Variants in CEPT1 observed in about 807,000 individuals in gnomAD.
CEPT1 encodes the protein choline/ethanolaminephosphotransferase 1.
A neutral mutation model predicts 42.6 loss-of-function variants in CEPT1; 7 were observed. That is an observed-to-expected ratio of 0.16 (90% confidence interval 0.09 to 0.31). The LOEUF (loss-of-function observed/expected upper bound fraction) is 0.31, where lower values mean the gene tolerates loss of function less well. CEPT1 is among the 10% of genes least tolerant of loss of function. CEPT1 has a pLI of 1.00. For missense variants in CEPT1, 306 were observed against 502.1 expected (o/e 0.61, Z 3.73); for synonymous variants, 171 against 171.9 (o/e 0.99, Z 0.04).
At chr1:111,161,449 G>A (rs968462081) in intron 4 of CEPT1, among the ~76,000 whole-genome samples, 153 bp downstream of exon 4, 1 of 151,888 alleles carries the variant, frequency 6.6e-6, no homozygotes, top group African/African-American at 2.4e-5. Flanking sequence ...TTTCCTAATA[G>A]TCTCTGCATA....
Position 111,149,266 on chromosome 1 carries a change from C to CTTTTTTTTTTTTTTTTTTTTTTT in CEPT1, c.339+1227_339+1228insTTTTTTTTTTTTTTTTTTTTTTT, listed in dbSNP as rs775722606. ...ATAGATGTAAAATCTGGTTTCTCCT[C>CTTTTTTTTTTTTTTTTTTTTTTT]TTTTTTTTTTTTTTGAGACAGGGTC... is the stretch of plus-strand genomic sequence containing the variant. On this transcript the variant is annotated intron_variant, in intron 2 of 8. Coordinates refer to ENST00000357172, the MANE Select transcript of CEPT1 (RefSeq NM_006090.5). 2.4e-4 allele frequency among the ~76,000 whole-genome samples: 31 copies of CTTTTTTTTTTTTTTTTTTTTTTT among 127,910 alleles called. 1 individual carries two copies. Among genetic ancestry groups the CTTTTTTTTTTTTTTTTTTTTTTT allele is most frequent in the Non-Finnish European group, 3.5e-4 (22 of 62,372 alleles). The allele number at this position is 127,910 out of a possible 152,430, so 83.9% of individuals were successfully genotyped here.
intron 2 of CEPT1, among the ~76,000 whole-genome samples, chr1:111,157,789 T>G (rs1655648604): frequency 6.6e-6 from 1 of 152,244 alleles, no homozygotes; most frequent in Non-Finnish European, 1.5e-5. Flanking sequence ...GATCCTTACC[T>G]TTTAATAACT....
intron 2 of CEPT1, among the ~76,000 whole-genome samples, chr1:111,152,421 C>A (rs1197412920): frequency 6.6e-6 from 1 of 152,050 alleles, no homozygotes; most frequent in Non-Finnish European, 1.5e-5. Flanking sequence ...TCCTTCCTAC[C>A]CCTCACCCTA....
intron 2 of CEPT1, among the ~76,000 whole-genome samples, chr1:111,157,754 G>A (rs1235125502): frequency 6.6e-6 from 1 of 152,010 alleles, no homozygotes; most frequent in African/African-American, 2.4e-5. Flanking sequence ...CTTAAAAGAC[G>A]GAACTCAAAA....
chr1:111,155,809 A>G (rs1655535516), intron 2 of CEPT1, among the ~76,000 whole-genome samples: 1 of 152,162 alleles, frequency 6.6e-6, no homozygotes, highest in South Asian at 2.1e-4. Context: ...AAGTACTGGG[A>G]TTACAGGCGT....
intron 5 of CEPT1, among the ~76,000 whole-genome samples, chr1:111,177,825 G>A (rs911017481): frequency 5.5e-4 from 81 of 147,440 alleles, no homozygotes; most frequent in African/African-American, 2.0e-3. Flanking sequence ...ATGAGGTGAG[G>A]TTGCAACGGG....
chr1:111,168,399 G>A (rs975454084), intron 4 of CEPT1, among the ~76,000 whole-genome samples: 4 of 150,200 alleles, frequency 2.7e-5, no homozygotes, highest in African/African-American at 7.4e-5. Flanking sequence ...ACATTAGGTC[G>A]CCTGCCCTGA....
At chr1:111,172,304 GTTTC>G (rs968569210) in intron 4 of CEPT1, among the ~76,000 whole-genome samples, 2 of 151,806 alleles carry the variant, frequency 1.3e-5, no homozygotes, top group Admixed American at 6.6e-5. Context: ...GTAGTGGTCA[GTTTC>G]TTTGTTTTGG....
At chr1:111,151,129 T>C (rs28735146) in intron 2 of CEPT1, among the ~76,000 whole-genome samples, 1 of 88,116 alleles carries the variant, frequency 1.1e-5, no homozygotes, top group Non-Finnish European at 2.6e-5. Context: ...TTTTTGTTTG[T>C]TTTTTTTTTT....
chr1:111,143,971 C>A (rs1034909277), intron 1 of CEPT1, among the ~76,000 whole-genome samples: 4 of 152,150 alleles, frequency 2.6e-5, no homozygotes, highest in Non-Finnish European at 5.9e-5. Context: ...CTCAGGTGAT[C>A]CACCTGCCTC....
intron 6 of CEPT1, 90 bp downstream of exon 6, chr1:111,182,408 TTTG>T (rs1214464724): frequency 1.0e-5 from 14 of 1,344,510 alleles, no homozygotes; most frequent in Non-Finnish European, 1.1e-5. Context: ...TATAAAATCA[TTTG>T]TTAATTTATA....
chr1:111,167,516 A>C (rs554835377), intron 4 of CEPT1: 1 of 883,562 alleles, frequency 1.1e-6, no homozygotes, highest in Non-Finnish European at 1.4e-6. Flanking sequence ...AATTTTTTTT[A>C]TATTTCTATT....
intron 2 of CEPT1, among the ~76,000 whole-genome samples, chr1:111,157,791 T>C (rs1655648729): frequency 6.6e-6 from 1 of 152,220 alleles, no homozygotes; most frequent in African/African-American, 2.4e-5. Flanking sequence ...TCCTTACCTT[T>C]TAATAACTGG....
Position 111,184,398 on chromosome 1 carries a change from T to C in CEPT1, c.*88T>C. ...GAATGGGGGTGGATAAGAACAAATA[T>C]AATTTATAATAATCAATGTTGTATA... On this transcript the variant is annotated 3_prime_UTR_variant, in exon 9 of 9. Transcript: ENST00000357172. The C allele has an allele frequency of 1.0e-6, 1 of 957,742 alleles. No individual in the cohort carries two copies. The highest frequency in any genetic ancestry group is 1.5e-6 in the Non-Finnish European group (1 of 651,280). 59.3% of individuals were successfully genotyped at this position (957,742 alleles called of 1,614,324 possible).
At chr1:111,145,625 G>A (rs898939717) in intron 1 of CEPT1, among the ~76,000 whole-genome samples, 2 of 152,196 alleles carry the variant, frequency 1.3e-5, no homozygotes, top group African/African-American at 4.8e-5. Flanking sequence ...CTCATGAGCT[G>A]AGTGCCTACA....
In CEPT1 at chr1:111,147,899, C is replaced by G; in HGVS notation, c.185C>G (p.Ser62Cys). ...EEHRYQSAGR[S>C]LLEPLMQGYW... ...CACAGATATCAAAGTGCTGGACGGT[C>G]CCTGCTTGAGCCCTTAATGCAAGGG... is the stretch of plus-strand genomic sequence containing the variant. The change falls in exon 2 of 9, where the codon TCC becomes TGC. Residue 62 changes from serine to cysteine, a missense_variant. By Grantham distance (112) the Ser-to-Cys change is moderately radical. Coordinates refer to ENST00000357172, the MANE Select transcript of CEPT1 (RefSeq NM_006090.5). The G allele has an allele frequency of 5.0e-6, 8 of 1,614,174 alleles. No homozygotes were observed. The highest frequency in any genetic ancestry group is 6.8e-6 in the Non-Finnish European group (8 of 1,180,022).
intron 4 of CEPT1, among the ~76,000 whole-genome samples, chr1:111,170,379 G>T (rs916690260): frequency 1.3e-5 from 2 of 152,090 alleles, no homozygotes; most frequent in Non-Finnish European, 2.9e-5. Context: ...TCATTCATGT[G>T]GTAGGTAATG....
intron 4 of CEPT1, among the ~76,000 whole-genome samples, 169 bp from the exon 5 acceptor site, chr1:111,174,710 T>C (rs1445758760): frequency 6.6e-6 from 1 of 152,144 alleles, no homozygotes; most frequent in African/African-American, 2.4e-5. Flanking sequence ...TTGGATTTTA[T>C]ATGATTTTGC....
In CEPT1 at chr1:111,171,286, G is replaced by A. The variant is rs112971875; in HGVS notation, c.630-3593G>A. Among the ~76,000 whole-genome samples the A allele has an allele frequency of 6.1e-3, 922 of 152,264 alleles. 10 individuals carry two copies. The highest frequency in any genetic ancestry group is 0.021 in the African/African-American group (865 of 41,536). On this transcript the variant is annotated intron_variant, in intron 4 of 8. Coordinates refer to ENST00000357172, the MANE Select transcript of CEPT1 (RefSeq NM_006090.5). ...TCTACCCCATTTTAAAAGCTATTTT[G>A]CACTTCTGATGTAATAACTGCCTTG...
Sources: gnomAD v4.1 joint callset for allele counts (sites outside exome capture counted in the v4.1 genomes callset) on GRCh38, gnomAD v4.1.1 for gene constraint, MANE v1.5 for transcripts, NCBI Gene and HGNC (gene_info 2026-07-23, HGNC 2026-07-21) for gene names.